The following GMDS variants were observed in gnomAD, a reference collection of about 807,000 sequenced individuals.
GMDS encodes the protein GDP-mannose 4,6 dehydratase.
A neutral mutation model predicts 49.9 loss-of-function variants in GMDS; 20 were observed. That is an observed-to-expected ratio of 0.40 (90% confidence interval 0.28 to 0.58). The LOEUF (loss-of-function observed/expected upper bound fraction) is 0.58, where lower values mean the gene tolerates loss of function less well. Ranked by LOEUF, GMDS falls within the 20% of genes least tolerant of loss-of-function variation. The pLI, the probability that GMDS is intolerant of heterozygous loss-of-function variation, is 0.42. For synonymous variants in GMDS, 177 were observed against 178.6 expected (o/e 0.99, Z 0.07); for missense variants, 362 against 481.4 (o/e 0.75, Z 2.32).
intron 1 of GMDS, among the ~76,000 whole-genome samples, chr6:2,235,639 TAAC>T (rs1781322769): frequency 7.0e-6 from 1 of 143,498 alleles, no homozygotes; most frequent in African/African-American, 2.6e-5. Context: ...GACCCCATCT[TAAC>T]AAAAAAAAAA....
chr6:2,040,218 G>A (rs1458826983), intron 4 of GMDS, among the ~76,000 whole-genome samples: 3 of 152,220 alleles, frequency 2.0e-5, no homozygotes, highest in Non-Finnish European at 4.4e-5. Flanking sequence ...GTGGCAAAGG[G>A]CAGGTAGGCT....
At chr6:1,723,821 C>T (rs530671997) in intron 9 of GMDS, among the ~76,000 whole-genome samples, 1 of 152,102 alleles carries the variant, frequency 6.6e-6, no homozygotes. Context: ...CCACATGTAT[C>T]CTAAGTTGAA....
chr6:2,192,216 G>A (rs1779055174), intron 1 of GMDS, among the ~76,000 whole-genome samples: 1 of 152,136 alleles, frequency 6.6e-6, no homozygotes, highest in Non-Finnish European at 1.5e-5. Context: ...GGGATGACCA[G>A]CTGCAGAGAG....
chr6:1,838,911 G>A (rs1290926968), intron 7 of GMDS, among the ~76,000 whole-genome samples: 1 of 152,158 alleles, frequency 6.6e-6, no homozygotes, highest in African/African-American at 2.4e-5. Flanking sequence ...TCCCTGAGGT[G>A]GGACATCCAA....
intron 7 of GMDS, among the ~76,000 whole-genome samples, chr6:1,926,164 G>A (rs1391987449): frequency 3.3e-5 from 5 of 152,160 alleles, no homozygotes; most frequent in Middle Eastern, 3.2e-3. Flanking sequence ...AAGCCCACGT[G>A]TGATCTGATT....
intron 7 of GMDS, among the ~76,000 whole-genome samples, chr6:1,877,851 T>C (rs1164395655): frequency 1.3e-5 from 2 of 152,124 alleles, no homozygotes; most frequent in East Asian, 1.9e-4. Context: ...AGTAAAATTA[T>C]ACAAATTATA....
intron 9 of GMDS, among the ~76,000 whole-genome samples, chr6:1,664,865 A>T (rs936782414): frequency 6.6e-6 from 1 of 152,220 alleles, no homozygotes; most frequent in Non-Finnish European, 1.5e-5. Context: ...TTGAAACTAA[A>T]GTTAGAAGCG....
chr6:1,639,040 T>C (rs1763249742), intron 9 of GMDS, among the ~76,000 whole-genome samples: 1 of 152,178 alleles, frequency 6.6e-6, no homozygotes, highest in Non-Finnish European at 1.5e-5. Context: ...GAGACTGACA[T>C]AGATGGTGAT....
At chr6:2,195,482 T>C (rs918537473) in intron 1 of GMDS, among the ~76,000 whole-genome samples, 4 of 152,190 alleles carry the variant, frequency 2.6e-5, no homozygotes, top group Non-Finnish European at 4.4e-5. Flanking sequence ...TATTCTAAAG[T>C]AAAGCAAATA....
intron 1 of GMDS, among the ~76,000 whole-genome samples, chr6:2,225,944 T>C (rs1780794380): frequency 6.6e-6 from 1 of 152,116 alleles, no homozygotes; most frequent in South Asian, 2.1e-4. Flanking sequence ...CCAGCTTTCC[T>C]GCCATTCTCA....
intron 7 of GMDS, among the ~76,000 whole-genome samples, chr6:1,890,387 A>C (rs1484951109): frequency 6.6e-6 from 1 of 152,140 alleles, no homozygotes; most frequent in African/African-American, 2.4e-5. Context: ...CTGTGGGGAA[A>C]TGTCTATTTA....
At chr6:1,996,941 CT>C (rs1010515038) in intron 4 of GMDS, among the ~76,000 whole-genome samples, 2 of 151,264 alleles carry the variant, frequency 1.3e-5, no homozygotes, top group East Asian at 1.9e-4. Flanking sequence ...AGACCCTAGT[CT>C]TTTTTTTTGT....
chr6:2,011,151 T>A (rs1367552352), intron 4 of GMDS, among the ~76,000 whole-genome samples: 1 of 152,092 alleles, frequency 6.6e-6, no homozygotes, highest in African/African-American at 2.4e-5. Flanking sequence ...CATGAACAGA[T>A]ATTTTTCAAA....
rs1263160538 is a variant in GMDS at position 1,943,041 on chromosome 6, A to G, written c.644-12811T>C. Among the ~76,000 whole-genome samples, 4 of 152,256 alleles carry G rather than the reference A, an allele frequency of 2.6e-5. No individual in the cohort carries two copies. The East Asian group carries it at 5.8e-4, about 22-fold the overall frequency. On this transcript the variant is annotated intron_variant, in intron 6 of 10. Transcript: ENST00000380815. ...AATGCAACCACAAGCCTCTTTCTTC[A>G]ATGGCTATAAACTGCCTATGGGCCG...
intron 9 of GMDS, among the ~76,000 whole-genome samples, chr6:1,694,419 G>C (rs543656034): frequency 6.6e-6 from 1 of 152,178 alleles, no homozygotes; most frequent in East Asian, 1.9e-4. Flanking sequence ...AGTCATTGTG[G>C]TATGCATTTA....
At chr6:1,868,935 A>T (rs1047165878) in intron 7 of GMDS, among the ~76,000 whole-genome samples, 4 of 152,254 alleles carry the variant, frequency 2.6e-5, no homozygotes, top group Non-Finnish European at 4.4e-5. Flanking sequence ...TCTAAAAATG[A>T]TTTAATATGT....
intron 4 of GMDS, among the ~76,000 whole-genome samples, chr6:2,054,160 C>G (rs1002651449): frequency 1.3e-5 from 2 of 152,004 alleles, no homozygotes; most frequent in African/African-American, 4.8e-5. Context: ...GTTCTTCAGC[C>G]CGAAATGTAA....
intron 7 of GMDS, among the ~76,000 whole-genome samples, chr6:1,802,758 G>A (rs1401146216): frequency 1.3e-5 from 2 of 152,220 alleles, no homozygotes; most frequent in East Asian, 3.9e-4. Flanking sequence ...TCTAACATAA[G>A]TCTTCTTTTT....
intron 7 of GMDS, among the ~76,000 whole-genome samples, chr6:1,838,769 T>C (rs1202079720): frequency 1.3e-5 from 2 of 152,224 alleles, no homozygotes; most frequent in Non-Finnish European, 2.9e-5. Context: ...ATTTACTTAA[T>C]ATAGCCCTAT....
Sources: gnomAD v4.1 joint callset for allele counts (sites outside exome capture counted in the v4.1 genomes callset) on GRCh38, gnomAD v4.1.1 for gene constraint, MANE v1.5 for transcripts, NCBI Gene and HGNC (gene_info 2026-07-23, HGNC 2026-07-21) for gene names.